Variants in SMG1 observed in about 807,000 individuals in gnomAD.
SMG1 encodes SMG1 nonsense mediated mRNA decay associated PI3K related kinase.
SMG1 carries 22 observed loss-of-function variants against 419.9 expected under a neutral mutation model. That is an observed-to-expected ratio of 0.05 (90% CI 0.04 to 0.07). The LOEUF (loss-of-function observed/expected upper bound fraction) is 0.07. Among genes scored for constraint, SMG1 ranks in the 10% least tolerant of loss-of-function variants. The pLI, the probability that SMG1 is intolerant of heterozygous loss-of-function variation, is 1.00. For synonymous variants in SMG1, 1,538 were observed against 1,553.5 expected (o/e 0.99, Z 0.23); for missense variants, 3,185 against 4,342.0 (o/e 0.73, Z 7.49).
At chr16:18,839,153 T>C (rs1266218346) in intron 42 of SMG1, among the ~76,000 whole-genome samples, 1 of 152,142 alleles carries the variant, frequency 6.6e-6, no homozygotes, top group Non-Finnish European at 1.5e-5. Flanking sequence ...ACCTCTTTCT[T>C]TTTTTAAATT....
intron 44 of SMG1, 25 bp downstream of exon 44, chr16:18,838,332 A>G (rs780146904): frequency 1.4e-5 from 22 of 1,605,252 alleles, no homozygotes; most frequent in Non-Finnish European, 1.4e-5. Flanking sequence ...AAATACACTA[A>G]AAGGGAGAAG....
chr16:18,926,165 G>C lies in SMG1; in HGVS notation c.-124C>G, dbSNP rs962253571. 1.3e-5 allele frequency: 10 copies of C among 743,644 alleles called. No homozygotes were observed. Among genetic ancestry groups the C allele is most frequent in the Non-Finnish European group, 2.1e-5 (10 of 485,048 alleles). 46.1% of individuals were successfully genotyped at this position (743,644 alleles called of 1,614,324 possible). ...TGAGGAGGAAGCCGAGAAGGAGGAGGAGGAGGAGGAGGAGGAGAAGGAGGA... is the reference window on the plus strand; with the variant it reads ...TGAGGAGGAAGCCGAGAAGGAGGAGCAGGAGGAGGAGGAGGAGAAGGAGGA... On this transcript the variant is annotated 5_prime_UTR_variant, in exon 1 of 63. Transcript: ENST00000446231.
chr16:18,903,934 CTTTTTT>C (rs71141091), intron 1 of SMG1, among the ~76,000 whole-genome samples: 1 of 99,876 alleles, frequency 1.0e-5, no homozygotes, highest in Non-Finnish European at 1.9e-5. Flanking sequence ...TATGTCTTGT[CTTTTTT>C]TTTTTTTTTT....
chr16:18,875,176 A>G (rs2036053769), intron 13 of SMG1: 1 of 152,612 alleles, frequency 6.6e-6, no homozygotes, highest in African/African-American at 2.4e-5. Flanking sequence ...ATCACATGAG[A>G]TCAGGTGTGG....
At chr16:18,877,472 G>A (rs901416233) in intron 11 of SMG1, 35 of 357,924 alleles carry the variant, frequency 9.8e-5, no homozygotes, top group African/African-American at 4.9e-4. Context: ...AGGAGTGGGT[G>A]GAACATAAAA....
intron 13 of SMG1, among the ~76,000 whole-genome samples, chr16:18,873,520 G>A (rs984578178): frequency 6.6e-6 from 1 of 152,114 alleles, no homozygotes; most frequent in African/African-American, 2.4e-5. Context: ...CCAGCCCAAC[G>A]AGAACTTTCT....
intron 9 of SMG1, 131 bp downstream of exon 9, chr16:18,883,939 T>G (rs2036513235): frequency 2.4e-6 from 1 of 425,192 alleles, no homozygotes. Context: ...AAAAAAATGT[T>G]TAAAATATTG....
chr16:18,850,373 G>T lies in SMG1; in HGVS notation c.5147C>A (p.Pro1716Gln). The T allele has an allele frequency of 6.2e-7, 1 of 1,613,888 alleles. No homozygotes were observed. The highest frequency in any genetic ancestry group is 8.5e-7 in the Non-Finnish European group (1 of 1,179,852). ...ACTTTCATCAAGTTCTGAAAGCCAT[G>T]GGCAGCTTGATATCAACTGACGCCA... Reference protein sequence around the residue: ...VIWRQLISSCPWLSELDESAT... With the variant: ...VIWRQLISSCQWLSELDESAT... Residue 1716 changes from proline to glutamine, a missense_variant, in exon 34 of 63, where the codon CCA becomes CAA. Coordinates refer to ENST00000446231, the MANE Select transcript of SMG1 (RefSeq NM_015092.5).
chr16:18,863,997 C>G lies in SMG1; in HGVS notation c.3493+5G>C, dbSNP rs755385950. The stretch of plus-strand genomic sequence containing the variant: ...TTGCTTTATTTAAAAATACTGAACG[C>G]TCACCATTCAGAGAATGTTTCGGGC... On this transcript the variant is annotated splice_donor_5th_base_variant and intron_variant, in intron 24 of 62. Coordinates refer to ENST00000446231, the MANE Select transcript of SMG1 (RefSeq NM_015092.5). 6.5e-7 allele frequency: 1 copy of G among 1,549,758 alleles called. No homozygotes were observed. Among genetic ancestry groups the G allele is most frequent in the Non-Finnish European group, 8.7e-7 (1 of 1,146,914 alleles).
rs756785042 is a variant in SMG1, at chr16:18,841,583, A to G, written c.6678T>C (p.Ala2226=). ...AATCAACCTTTTGTGCTTGTAAGGC[A>G]GCTTCCCGTTGTTGCCATCGTTTGT... ...GLYKRWQQRE[A]ALQAQKAQDS... The change falls in exon 41 of 63, where the codon GCT becomes GCC. Residue 2226 remains alanine, a synonymous_variant. Transcript: ENST00000446231. The G allele has an allele frequency of 6.2e-7, 1 of 1,613,946 alleles. No homozygotes were observed. The highest frequency in any genetic ancestry group is 1.1e-5 in the South Asian group (1 of 91,076).
chr16:18,903,929 CTT>C (rs2037449727), intron 1 of SMG1, among the ~76,000 whole-genome samples: 1 of 123,818 alleles, frequency 8.1e-6, no homozygotes, highest in East Asian at 2.1e-4. Flanking sequence ...CAAGGTATGT[CTT>C]GTCTTTTTTT....
At chr16:18,889,666 A>G (rs1392025034) in intron 5 of SMG1, 81 bp from the exon 6 acceptor site, 6 of 559,568 alleles carry the variant, frequency 1.1e-5, no homozygotes, top group Non-Finnish European at 3.2e-6. Context: ...ACATCTTACA[A>G]AAGAATGTCT....
At chr16:18,860,259 G>A (rs1398358694) in intron 26 of SMG1, among the ~76,000 whole-genome samples, 2 of 152,070 alleles carry the variant, frequency 1.3e-5, no homozygotes, top group Non-Finnish European at 2.9e-5. Flanking sequence ...TATTTAAGGG[G>A]ACAAATCTAG....
At chr16:18,908,802 C>T (rs895654848) in intron 1 of SMG1, among the ~76,000 whole-genome samples, 8 of 151,160 alleles carry the variant, frequency 5.3e-5, no homozygotes, top group African/African-American at 1.9e-4. Context: ...ATGGCGTGAG[C>T]GCGGGAGGTG....
rs1033203103 is a variant in SMG1, at chr16:18,809,469, C to T, written c.*100G>A. 4.6e-6 allele frequency: 4 copies of T among 860,746 alleles called. No individual in the cohort carries two copies. The highest frequency in any genetic ancestry group is 7.7e-6 in the Non-Finnish European group (4 of 519,130). 53.3% of individuals were successfully genotyped at this position (860,746 alleles called of 1,614,324 possible). On this transcript the variant is annotated 3_prime_UTR_variant, in exon 63 of 63. Coordinates refer to ENST00000446231, the MANE Select transcript of SMG1 (RefSeq NM_015092.5). ...TTTCCTCAGAGTAAGCCCCCAGTTG[C>T]ATCACCACCGACTGTGGTGTGGCTT... is the stretch of plus-strand genomic sequence containing the variant.
At chr16:18,830,411 A>G in intron 51 of SMG1, 42 bp from the exon 52 acceptor site, 1 of 1,606,566 alleles carries the variant, frequency 6.2e-7, no homozygotes, top group Non-Finnish European at 8.5e-7. Context: ...GCTGAAAAGT[A>G]ATGCCTTTGG....
rs1567302396 is a variant in SMG1 at position 18,808,184 on chromosome 16, G to A, written c.*1385C>T. The stretch of plus-strand genomic sequence containing the variant: ...TACACAGTCAGTACTGAAATGCAAT[G>A]CTAAATTTAAGGAAACCTTGATCAT... On this transcript the variant is annotated 3_prime_UTR_variant, in exon 63 of 63. Transcript: ENST00000446231. 1 of 151,782 alleles carries A rather than the reference G, an allele frequency of 6.6e-6. No individual in the cohort carries two copies. The highest frequency in any genetic ancestry group is 1.5e-5 in the Non-Finnish European group (1 of 67,914). 9.4% of individuals were successfully genotyped at this position (151,782 alleles called of 1,614,324 possible).
In SMG1 at chr16:18,807,603, A is replaced by G. The variant is rs947278389; in HGVS notation, c.*1966T>C. 7 of 152,190 alleles carry G rather than the reference A, an allele frequency of 4.6e-5. No homozygotes were observed. Among genetic ancestry groups the G allele is most frequent in the African/African-American group, 1.4e-4 (6 of 41,450 alleles). The allele number at this position is 152,190 out of a possible 1,614,324, so 9.4% of individuals were successfully genotyped here. ...TTTCATGGGTACTTAACGATTACAGATTAACGTGGCAATCAGAATACAAAA... is the reference window on the plus strand; with the variant it reads ...TTTCATGGGTACTTAACGATTACAGGTTAACGTGGCAATCAGAATACAAAA... On this transcript the variant is annotated 3_prime_UTR_variant, in exon 63 of 63. Coordinates refer to ENST00000446231, the MANE Select transcript of SMG1 (RefSeq NM_015092.5).
At chr16:18,871,533 A>G (rs1479738928) in intron 15 of SMG1, 51 bp from the exon 16 acceptor site, 8 of 873,758 alleles carry the variant, frequency 9.2e-6, no homozygotes, top group Non-Finnish European at 1.4e-5. Flanking sequence ...ACAAAAACCA[A>G]AAAACATTAA....
Sources: gnomAD v4.1 joint callset for allele counts (sites outside exome capture counted in the v4.1 genomes callset) on GRCh38, gnomAD v4.1.1 for gene constraint, MANE v1.5 for transcripts, NCBI Gene and HGNC (gene_info 2026-07-23, HGNC 2026-07-21) for gene names.